CACNA1E: variants seen among roughly 807,000 people sequenced by gnomAD.
CACNA1E encodes the protein calcium voltage-gated channel subunit alpha1 E.
A neutral mutation model predicts 259.2 loss-of-function variants in CACNA1E; 40 were observed. That is an observed-to-expected ratio of 0.15 (90% CI 0.12 to 0.20). The LOEUF (loss-of-function observed/expected upper bound fraction) is 0.20. Ranked by LOEUF, CACNA1E falls within the 10% of genes least tolerant of loss-of-function variation. CACNA1E has a pLI of 1.00. For missense variants in CACNA1E, 1,874 were observed against 3,040.1 expected, an observed-to-expected ratio of 0.62 and a Z score of 9.02; for synonymous variants, 1,104 against 1,138.5, an observed-to-expected ratio of 0.97 and a Z score of 0.61.
chr1:181,710,109 G>C (rs1169953128), intron 7 of CACNA1E, among the ~76,000 whole-genome samples: 1 of 152,040 alleles, frequency 6.6e-6, no homozygotes, highest in Non-Finnish European at 1.5e-5. Flanking sequence ...GAGTGGCATT[G>C]GCCCCCTGAG....
chr1:181,725,930 G>A (rs1267698403), intron 17 of CACNA1E, 135 bp from the exon 18 acceptor site: 6 of 593,268 alleles, frequency 1.0e-5, no homozygotes, highest in East Asian at 3.1e-5. Context: ...CTAACATCTC[G>A]CTGTCTTGTT....
chr1:181,527,314 A>G (rs1293755880), intron 3 of CACNA1E, among the ~76,000 whole-genome samples: 1 of 152,234 alleles, frequency 6.6e-6, no homozygotes. Context: ...TTGTAAGGAC[A>G]CTAATCCCAT....
chr1:181,522,005 T>C (rs1273285528), intron 3 of CACNA1E, among the ~76,000 whole-genome samples: 1 of 152,156 alleles, frequency 6.6e-6, no homozygotes, highest in Non-Finnish European at 1.5e-5. Flanking sequence ...TGTCCAGGCA[T>C]GTTCAGTGGG....
chr1:181,632,767 G>A (rs931260857), intron 6 of CACNA1E, among the ~76,000 whole-genome samples: 3 of 152,066 alleles, frequency 2.0e-5, no homozygotes, highest in Admixed American at 6.6e-5. Flanking sequence ...TTGATTCTGG[G>A]CTAAATGGAA....
chr1:181,626,298 TGAAGTGCAGTAAAGTACAATAAAAC>T (rs1167381118), intron 6 of CACNA1E, among the ~76,000 whole-genome samples: 2 of 152,216 alleles, frequency 1.3e-5, no homozygotes, highest in African/African-American at 2.4e-5. Flanking sequence ...GCAACATTTG[TGAAGTGCAGTAAAGTACAATAAAAC>T]GAAGTGCAGT....
chr1:181,754,957 C>T (rs551668003), intron 27 of CACNA1E, among the ~76,000 whole-genome samples: 3 of 152,296 alleles, frequency 2.0e-5, no homozygotes, highest in South Asian at 2.1e-4. Flanking sequence ...CACAGAGGAC[C>T]GCATTCCTTG....
intron 36 of CACNA1E, 89 bp from the exon 37 acceptor site, chr1:181,771,977 G>A: frequency 8.1e-7 from 1 of 1,242,086 alleles, no homozygotes. Flanking sequence ...CCAGACAAGA[G>A]CGAGGATGGG....
intron 1 of CACNA1E, among the ~76,000 whole-genome samples, chr1:181,364,709 TG>T (rs1445460423): frequency 6.6e-6 from 1 of 152,008 alleles, no homozygotes; most frequent in Non-Finnish European, 1.5e-5. Flanking sequence ...GAATTCCGAG[TG>T]GAGCAGCATG....
At chr1:181,602,978 G>A (rs1414164140) in intron 6 of CACNA1E, among the ~76,000 whole-genome samples, 1 of 152,148 alleles carries the variant, frequency 6.6e-6, no homozygotes, top group Non-Finnish European at 1.5e-5. Flanking sequence ...TCCTCATGAG[G>A]AGGCCTCCAT....
chr1:181,788,144 T>G (rs1318803229), intron 43 of CACNA1E, among the ~76,000 whole-genome samples: 2 of 152,208 alleles, frequency 1.3e-5, no homozygotes, highest in Non-Finnish European at 2.9e-5. Context: ...TGGAGACAGA[T>G]GGTCAGATGT....
intron 7 of CACNA1E, among the ~76,000 whole-genome samples, chr1:181,680,539 A>G (rs370277546): frequency 6.6e-6 from 1 of 152,162 alleles, no homozygotes; most frequent in South Asian, 2.1e-4. Context: ...TCTCTCATGC[A>G]CATGCCGACC....
At chr1:181,373,355 A>T (rs1357095848) in intron 1 of CACNA1E, among the ~76,000 whole-genome samples, 2 of 152,062 alleles carry the variant, frequency 1.3e-5, no homozygotes, top group African/African-American at 2.4e-5. Context: ...TCCTGGTTCA[A>T]TCTTGGAAGG....
intron 1 of CACNA1E, among the ~76,000 whole-genome samples, chr1:181,346,042 G>A (rs572584394): frequency 6.9e-4 from 105 of 152,308 alleles, no homozygotes; most frequent in Admixed American, 2.0e-3. Flanking sequence ...AGGCTGTCAC[G>A]CTCTGGCAGG....
chr1:181,736,956 G>A (rs761087415), intron 22 of CACNA1E, among the ~76,000 whole-genome samples: 9 of 152,194 alleles, frequency 5.9e-5, no homozygotes, highest in Non-Finnish European at 8.8e-5. Flanking sequence ...TTAGATTCAG[G>A]AAAGATGGAA....
At chr1:181,678,853 C>T (rs1373989852) in intron 7 of CACNA1E, among the ~76,000 whole-genome samples, 1 of 152,186 alleles carries the variant, frequency 6.6e-6, no homozygotes. Flanking sequence ...GAACTTAGCA[C>T]AGTGCCTGGC....
chr1:181,372,828 ATTTT>A (rs1205982576), intron 1 of CACNA1E, among the ~76,000 whole-genome samples: 1 of 101,642 alleles, frequency 9.8e-6, no homozygotes, highest in Admixed American at 1.0e-4. Flanking sequence ...ATATATATAT[ATTTT>A]TTTTTTAACA....
At position 181,793,717 on chromosome 1, in the gene CACNA1E, A is replaced by G. The variant is rs1661530610; in HGVS notation, c.5951A>G (p.Tyr1984Cys). Reference protein sequence around the residue: ...KSVQPSNHGIYLPSDTQEHAG... With the variant: ...KSVQPSNHGICLPSDTQEHAG... The stretch of plus-strand genomic sequence containing the variant: ...GTGCAGCCCTCTAACCATGGCATCT[A>G]CCTTCCTTCGGACACCCAGGAGCAT... Residue 1984 changes from tyrosine (Y) to cysteine (C), a missense_variant, in exon 45 of 48, where the codon TAC becomes TGC. Around this residue, in one of 14 missense-constraint regions of CACNA1E, gnomAD observed 542 missense variants for 587.2 expected, o/e 0.92. Transcript: ENST00000367573. The G allele has an allele frequency of 2.5e-6, 4 of 1,611,532 alleles. No individual in the cohort carries two copies. The highest frequency in any genetic ancestry group is 3.4e-6 in the Non-Finnish European group (4 of 1,179,348).
At chr1:181,587,011 G>C (rs1282081619) in intron 6 of CACNA1E, among the ~76,000 whole-genome samples, 1 of 152,138 alleles carries the variant, frequency 6.6e-6, no homozygotes, top group Non-Finnish European at 1.5e-5. Flanking sequence ...TGTGTGGTGT[G>C]GGGAGGTCTA....
chr1:181,787,812 A>G (rs962960490), intron 43 of CACNA1E, among the ~76,000 whole-genome samples: 1 of 152,200 alleles, frequency 6.6e-6, no homozygotes, highest in African/African-American at 2.4e-5. Flanking sequence ...AAGAGAAAGT[A>G]TGGTAAGTTT....
Sources: allele counts gnomAD v4.1 joint callset (sites outside exome capture counted in the v4.1 genomes callset), GRCh38; gene constraint gnomAD v4.1.1; regional missense constraint gnomAD v4.1.1; transcripts MANE v1.5; gene names NCBI Gene and HGNC (gene_info 2026-07-23, HGNC 2026-07-21).